The following COL28A1 variants were observed in gnomAD, a reference collection of about 807,000 sequenced individuals.
COL28A1 encodes collagen type XXVIII alpha 1 chain, also known as collagen alpha-1(XXVIII) chain.
COL28A1 carries 161 observed loss-of-function variants against 150.2 expected under a neutral mutation model. The ratio of observed to expected loss-of-function variants is 1.07; its 90% CI spans 0.94 to 1.22. The LOEUF is 1.22. Among genes scored for constraint, COL28A1 ranks in the 50% most tolerant of loss-of-function variants. The pLI is 0.00. For synonymous variants in COL28A1, 552 were observed against 469.7 expected, an observed-to-expected ratio of 1.18 and a Z score of -2.26; for missense variants, 1,617 against 1,388.3, an observed-to-expected ratio of 1.16 and a Z score of -2.62.
intron 15 of COL28A1, among the ~76,000 whole-genome samples, chr7:7,471,853 C>T (rs1788459103): frequency 1.3e-5 from 2 of 152,116 alleles, no homozygotes; most frequent in Admixed American, 1.3e-4. Context: ...TGAGATGGCA[C>T]CACTGCACTC....
intron 25 of COL28A1, among the ~76,000 whole-genome samples, chr7:7,427,995 T>G (rs1430923216): frequency 6.6e-6 from 1 of 152,188 alleles, no homozygotes; most frequent in Non-Finnish European, 1.5e-5. Context: ...ACAAAACAAA[T>G]GTAGTATCAA....
chr7:7,430,592 T>C (rs79472342), intron 25 of COL28A1, among the ~76,000 whole-genome samples: 1,944 of 152,350 alleles, frequency 0.013, 35 homozygotes, highest in African/African-American at 0.043. Context: ...TCTGTTTCCA[T>C]TGGAATACAC....
At chr7:7,415,332 T>G (rs1159555537) in intron 27 of COL28A1, among the ~76,000 whole-genome samples, 1 of 152,214 alleles carries the variant, frequency 6.6e-6, no homozygotes, top group Non-Finnish European at 1.5e-5. Flanking sequence ...TGTTCCTATA[T>G]CCTTGAAATG....
rs111281911 is a variant in COL28A1 at position 7,388,528 on chromosome 7, T to C, written c.2137-6916A>G. On this transcript the variant is annotated intron_variant, in intron 27 of 34. Coordinates refer to ENST00000399429, the MANE Select transcript of COL28A1 (RefSeq NM_001037763.3). ...AATCCCTTGGGTATATACCCAGTAA[T>C]GGGATTGCTGGGTCAAATGGTATTT... Among the ~76,000 whole-genome samples, 465 of 152,310 alleles carry C rather than the reference T, an allele frequency of 3.1e-3. 6 individuals are homozygous for C. Among genetic ancestry groups the C allele is most frequent in the African/African-American group, 0.011 (445 of 41,548 alleles).
intron 27 of COL28A1, among the ~76,000 whole-genome samples, chr7:7,389,476 G>A (rs1368651098): frequency 6.6e-6 from 1 of 152,124 alleles, no homozygotes; most frequent in East Asian, 1.9e-4. Context: ...TCTTGGTTAT[G>A]TGAGCTCTTT....
At chr7:7,363,019 C>T (rs529883439) in intron 33 of COL28A1, among the ~76,000 whole-genome samples, 2 of 152,156 alleles carry the variant, frequency 1.3e-5, no homozygotes, top group East Asian at 1.9e-4. Flanking sequence ...GATTAAGAAA[C>T]TTTCCAAAAG....
the COL28A1 span, among the ~76,000 whole-genome samples, chr7:7,540,996 G>A: frequency 1.3e-5 from 2 of 152,004 alleles, no homozygotes; most frequent in Admixed American, 1.3e-4. Context: ...TACCTACTTG[G>A]GTTTTCTGGT....
chr7:7,502,887 C>CG (rs527470860), intron 11 of COL28A1, among the ~76,000 whole-genome samples: 1 of 54,430 alleles, frequency 1.8e-5, no homozygotes, highest in South Asian at 5.0e-4. Context: ...TTAGTAGAGA[C>CG]GGGGTTTCAC....
At chr7:7,424,069 G>T (rs1784521891) in intron 25 of COL28A1, among the ~76,000 whole-genome samples, 1 of 150,386 alleles carries the variant, frequency 6.6e-6, no homozygotes, top group African/African-American at 2.5e-5. Flanking sequence ...ATAATCTTTT[G>T]TATCTTTCAA....
At chr7:7,533,398 C>A (rs1782477824) in intron 1 of COL28A1, among the ~76,000 whole-genome samples, 1 of 152,068 alleles carries the variant, frequency 6.6e-6, no homozygotes, top group African/African-American at 2.4e-5. Flanking sequence ...TAATACTACA[C>A]ACATAACTTC....
chr7:7,527,342 G>A lies in COL28A1; in HGVS notation c.682-3093C>T, dbSNP rs75313849. 1.1e-3 allele frequency among the ~76,000 whole-genome samples: 170 copies of A among 152,350 alleles called. 2 individuals carry two copies. Among genetic ancestry groups the A allele is most frequent in the African/African-American group, 3.8e-3 (159 of 41,586 alleles). On this transcript the variant is annotated intron_variant, in intron 3 of 34. Coordinates refer to ENST00000399429, the MANE Select transcript of COL28A1 (RefSeq NM_001037763.3). ...GAGCCGCTAACAAGATGGCTTCTTGGAATAGGTGGGTTTTCTGGATGGTTT... is the reference window on the plus strand; with the variant it reads ...GAGCCGCTAACAAGATGGCTTCTTGAAATAGGTGGGTTTTCTGGATGGTTT...
chr7:7,389,109 T>C (rs1380754169), intron 27 of COL28A1, among the ~76,000 whole-genome samples: 2 of 152,172 alleles, frequency 1.3e-5, no homozygotes, highest in East Asian at 1.9e-4. Context: ...GGTTTTCTTC[T>C]AGGGTTTTTT....
rs1779800680 is a variant in COL28A1, at chr7:7,489,426, G to C, written c.1127C>G (p.Ala376Gly). The C allele has an allele frequency of 6.8e-7, 1 of 1,466,174 alleles. No homozygotes were observed. The highest frequency in any genetic ancestry group is 1.4e-5 in the African/African-American group (1 of 72,154). The allele number at this position is 1,466,174 out of a possible 1,614,324, so 90.8% of individuals were successfully genotyped here. The change falls in exon 13 of 35, where the codon GCT (alanine) becomes GGT (glycine). Residue 376 changes from alanine to glycine, a missense_variant. Coordinates refer to ENST00000399429, the MANE Select transcript of COL28A1 (RefSeq NM_001037763.3). The part of the protein sequence containing the change: ...GERGQEGRPG[A>G]PGPIGVGEPG... ...CTCACCAACTCCAATGGGTCCTGGA[G>C]CTCCCGGTCTTCCTTCTTGGCCTCT...
chr7:7,456,513 A>G (rs1787183949), intron 15 of COL28A1, among the ~76,000 whole-genome samples: 1 of 152,248 alleles, frequency 6.6e-6, no homozygotes, highest in Non-Finnish European at 1.5e-5. Flanking sequence ...TAAATTTTCT[A>G]AATACCCTTT....
At chr7:7,396,733 T>C (rs919457090) in intron 27 of COL28A1, among the ~76,000 whole-genome samples, 2 of 152,232 alleles carry the variant, frequency 1.3e-5, no homozygotes, top group South Asian at 2.1e-4. Flanking sequence ...ATGGGCTTAA[T>C]GGAACAAAAA....
intron 30 of COL28A1, 144 bp downstream of exon 30, chr7:7,380,515 CA>C: frequency 1.5e-6 from 1 of 684,792 alleles, no homozygotes; most frequent in East Asian, 2.7e-5. Flanking sequence ...GCATCTAAGC[CA>C]ACACTGGGCT....
intron 27 of COL28A1, among the ~76,000 whole-genome samples, chr7:7,402,007 T>A (rs1783235412): frequency 6.6e-6 from 1 of 152,140 alleles, no homozygotes; most frequent in Admixed American, 6.5e-5. Flanking sequence ...GAATGCAGAG[T>A]ACAGAAGGAC....
intron 13 of COL28A1, among the ~76,000 whole-genome samples, chr7:7,484,031 T>C (rs1244651133): frequency 2.0e-5 from 3 of 152,062 alleles, no homozygotes; most frequent in Non-Finnish European, 4.4e-5. Flanking sequence ...ATAAATAGAA[T>C]GGGGCAAGAA....
chr7:7,341,789 T>C, the COL28A1 span, among the ~76,000 whole-genome samples: 1 of 152,164 alleles, frequency 6.6e-6, no homozygotes. Context: ...CTAGTTTAAC[T>C]ACATTGTTGT....
Sources: allele counts gnomAD v4.1 joint callset (sites outside exome capture counted in the v4.1 genomes callset), GRCh38; gene constraint gnomAD v4.1.1; transcripts MANE v1.5; gene names NCBI Gene and HGNC (gene_info 2026-07-23, HGNC 2026-07-21).